Variants in GRK3 observed in about 807,000 individuals in gnomAD.
GRK3 encodes G protein-coupled receptor kinase 3, also known as adrenergic, beta, receptor kinase 2.
GRK3 carries 54 observed loss-of-function variants against 95.7 expected under a neutral mutation model. The ratio of observed to expected loss-of-function variants is 0.56; its 90% confidence interval spans 0.45 to 0.71. The LOEUF (loss-of-function observed/expected upper bound fraction) is 0.71. GRK3 is among the 30% of genes least tolerant of loss of function. The pLI is 0.00. For missense variants in GRK3, 649 were observed against 851.2 expected (o/e 0.76, Z 2.96); for synonymous variants, 281 against 290.8 (o/e 0.97, Z 0.34).
At chr22:25,581,591 A>G (rs1039835059) in intron 1 of GRK3, among the ~76,000 whole-genome samples, 3 of 152,206 alleles carry the variant, frequency 2.0e-5, no homozygotes, top group Non-Finnish European at 4.4e-5. Flanking sequence ...GACTAATCCA[A>G]CCAGAGTGGA....
Position 25,564,888 on chromosome 22 carries a change from G to A in GRK3, c.-153G>A, listed in dbSNP as rs1931383682. 1.4e-5 allele frequency: 2 copies of A among 141,982 alleles called. No homozygotes were observed. The highest frequency in any genetic ancestry group is 1.4e-4 in the Admixed American group (2 of 14,472). 8.8% of individuals were successfully genotyped at this position (141,982 alleles called of 1,614,324 possible). ...TGCGGCGCGCGCAGAGCGCTAGTGGGGCGCGCGGCGCGCGCGCGGGGCGGG... is the reference window on the plus strand; with the variant it reads ...TGCGGCGCGCGCAGAGCGCTAGTGGAGCGCGCGGCGCGCGCGCGGGGCGGG... On this transcript the variant is annotated 5_prime_UTR_variant, in exon 1 of 21. Transcript: ENST00000324198.
rs189534766 is a variant in GRK3 at position 25,600,296 on chromosome 22, G to A, written c.114-4081G>A. On this transcript the variant is annotated intron_variant, in intron 1 of 20. Transcript: ENST00000324198. ...TGAGTAGCTGGGATTACAGGCAACCGCCACTGCTAATTTTTGTATTTGTAG... is the reference window on the plus strand; with the variant it reads ...TGAGTAGCTGGGATTACAGGCAACCACCACTGCTAATTTTTGTATTTGTAG... Among the ~76,000 whole-genome samples the A allele has an allele frequency of 7.0e-4, 107 of 151,962 alleles. 2 individuals carry two copies. In the East Asian group the frequency reaches 0.018, roughly 26 times the overall value.
Position 25,676,874 on chromosome 22 carries a change from T to C in GRK3, c.648-1942T>C, listed in dbSNP as rs531151011. Among the ~76,000 whole-genome samples, 117 of 152,232 alleles carry C rather than the reference T, an allele frequency of 7.7e-4. 1 individual carries two copies. Among genetic ancestry groups the C allele is most frequent in the Admixed American group, 1.4e-3 (21 of 15,290 alleles). ...CTTAAGGCCCACGAACCCTCACTCA[T>C]GTCTGTTCCTGTCACCAGGCTGCCA... On this transcript the variant is annotated intron_variant, in intron 8 of 20. Coordinates refer to ENST00000324198, the MANE Select transcript of GRK3 (RefSeq NM_005160.4).
At chr22:25,718,134 T>C (rs1032144715) in intron 18 of GRK3, 111 bp from the exon 19 acceptor site, 23 of 1,259,054 alleles carry the variant, frequency 1.8e-5, no homozygotes, top group Non-Finnish European at 2.5e-5. Flanking sequence ...GTTCTATTTA[T>C]AGAAACCTGC....
At chr22:25,631,362 T>G (rs1458909993) in intron 2 of GRK3, among the ~76,000 whole-genome samples, 2 of 152,194 alleles carry the variant, frequency 1.3e-5, no homozygotes, top group African/African-American at 2.4e-5. Flanking sequence ...AATTTTATCC[T>G]CCATACAAAC....
chr22:25,615,338 CT>C (rs1447991268), intron 2 of GRK3, among the ~76,000 whole-genome samples: 1 of 152,090 alleles, frequency 6.6e-6, no homozygotes, highest in Non-Finnish European at 1.5e-5. Context: ...ACTTTTTGAA[CT>C]GACAGTGGGG....
chr22:25,712,301 G>GGTCA (rs763837223), intron 17 of GRK3, among the ~76,000 whole-genome samples: 2 of 152,214 alleles, frequency 1.3e-5, no homozygotes, highest in African/African-American at 2.4e-5. Flanking sequence ...CAGTGGCTGG[G>GGTCA]GTCAGCATTG....
intron 1 of GRK3, among the ~76,000 whole-genome samples, chr22:25,568,181 C>G (rs1189347817): frequency 6.6e-6 from 1 of 152,164 alleles, no homozygotes; most frequent in South Asian, 2.1e-4. Flanking sequence ...TGTTTTACAT[C>G]ATGTTGGAAA....
intron 1 of GRK3, among the ~76,000 whole-genome samples, chr22:25,586,631 G>A (rs1485921338): frequency 6.6e-6 from 1 of 152,290 alleles, no homozygotes; most frequent in African/African-American, 2.4e-5. Context: ...GGGGAGGGCT[G>A]CATAGTCTTG....
rs930994724 is a variant in GRK3 at position 25,677,408 on chromosome 22, G to GA, written c.648-1399dup. On this transcript the variant is annotated intron_variant, in intron 8 of 20. Coordinates refer to ENST00000324198, the MANE Select transcript of GRK3 (RefSeq NM_005160.4). ...AAAAAAAAAAAAAAAAAAAGAAAAGGAAAAAAAAAGAAAAGAAATCAACTC... is the reference window on the plus strand; with the variant it reads ...AAAAAAAAAAAAAAAAAAAGAAAAGGAAAAAAAAAAGAAAAGAAATCAACTC... Among the ~76,000 whole-genome samples, 88 of 135,956 alleles carry GA rather than the reference G, an allele frequency of 6.5e-4. No individual in the cohort carries two copies. The East Asian group carries it at 0.011, about 17-fold the overall frequency. 89.2% of individuals were successfully genotyped at this position (135,956 alleles called of 152,430 possible). A position where few individuals can be genotyped will look rare whatever the true frequency, so the allele number is the denominator to read the frequency against.
chr22:25,648,372 A>G (rs1472053267), intron 3 of GRK3: 2 of 1,314,492 alleles, frequency 1.5e-6, no homozygotes, highest in African/African-American at 2.9e-5. Flanking sequence ...TGTGTGTCCA[A>G]CTGTGAAACC....
intron 1 of GRK3, among the ~76,000 whole-genome samples, chr22:25,572,968 A>T (rs1757512538): frequency 2.6e-5 from 4 of 152,212 alleles, no homozygotes; most frequent in Admixed American, 1.3e-4. Flanking sequence ...ATCTAGCCAC[A>T]GGCATCTTTG....
At position 25,725,187 on chromosome 22, in the gene GRK3, T is replaced by A. The variant is rs764408114; in HGVS notation, c.*2737T>A. ...TTCCAAGTATTACATAATTCCTAGA[T>A]GTTCACCCTTATTACACTCCAACTA... On this transcript the variant is annotated 3_prime_UTR_variant, in exon 21 of 21. Coordinates refer to ENST00000324198, the MANE Select transcript of GRK3 (RefSeq NM_005160.4). The A allele has an allele frequency of 2.3e-5, 4 of 172,240 alleles. No individual in the cohort carries two copies. The highest frequency in any genetic ancestry group is 4.9e-5 in the Non-Finnish European group (4 of 81,598). 10.7% of individuals were successfully genotyped at this position (172,240 alleles called of 1,614,324 possible). A position where few individuals can be genotyped will look rare whatever the true frequency, so the allele number is the denominator to read the frequency against.
chr22:25,697,806 G>A (rs2085221542), intron 13 of GRK3, among the ~76,000 whole-genome samples: 1 of 152,192 alleles, frequency 6.6e-6, no homozygotes, highest in South Asian at 2.1e-4. Context: ...CATCGATTGA[G>A]CCTGAAATGG....
intron 3 of GRK3, among the ~76,000 whole-genome samples, chr22:25,650,124 TGG>T (rs1467452624): frequency 6.6e-6 from 1 of 152,056 alleles, no homozygotes; most frequent in Non-Finnish European, 1.5e-5. Flanking sequence ...CCTGAGTAGC[TGG>T]GATTACAGGT....
chr22:25,695,990 C>A (rs1422028912), intron 13 of GRK3, among the ~76,000 whole-genome samples: 1 of 152,126 alleles, frequency 6.6e-6, no homozygotes. Context: ...CCTGCCACCA[C>A]GCCAGGCTAA....
chr22:25,593,803 A>T (rs989598184), intron 1 of GRK3, among the ~76,000 whole-genome samples: 4 of 152,082 alleles, frequency 2.6e-5, no homozygotes, highest in African/African-American at 7.2e-5. Context: ...GTAGGGATCC[A>T]GTTTCAATCT....
At chr22:25,693,178 TCA>T (rs1323850120) in intron 12 of GRK3, among the ~76,000 whole-genome samples, 1 of 152,248 alleles carries the variant, frequency 6.6e-6, no homozygotes, top group Non-Finnish European at 1.5e-5. Flanking sequence ...GTGTCTCATG[TCA>T]CAGTGTCTTA....
rs1367655057 is a variant in GRK3 at position 25,728,510 on chromosome 22, G to A, written c.*6060G>A. 1.3e-5 allele frequency: 2 copies of A among 152,134 alleles called. No individual in the cohort carries two copies. The highest frequency in any genetic ancestry group is 2.9e-5 in the Non-Finnish European group (2 of 68,036). The allele number at this position is 152,134 out of a possible 1,614,324, so 9.4% of individuals were successfully genotyped here. A position where few individuals can be genotyped will look rare whatever the true frequency, so the allele number is the denominator to read the frequency against. Reference sequence around the variant, plus strand: ...CTCCCATGTCATTAGTAATCCTTTAGGATTTAAGGTACAACTGGACAGCAT... The same window carrying A: ...CTCCCATGTCATTAGTAATCCTTTAAGATTTAAGGTACAACTGGACAGCAT... On this transcript the variant is annotated 3_prime_UTR_variant, in exon 21 of 21. Coordinates refer to ENST00000324198, the MANE Select transcript of GRK3 (RefSeq NM_005160.4).
Sources: gnomAD v4.1 joint callset for allele counts (sites outside exome capture counted in the v4.1 genomes callset) on GRCh38, gnomAD v4.1.1 for gene constraint, MANE v1.5 for transcripts, NCBI Gene and HGNC (gene_info 2026-07-23, HGNC 2026-07-21) for gene names.